The following STK32C variants were observed in gnomAD, a reference collection of about 807,000 sequenced individuals.
The protein encoded by STK32C is serine/threonine kinase 32C, also known as serine/threonine-protein kinase 32C.
STK32C carries 31 observed loss-of-function variants against 56.5 expected under a neutral mutation model. The ratio of observed to expected loss-of-function variants is 0.55; its 90% CI spans 0.41 to 0.74. STK32C has a LOEUF of 0.74. Among genes scored for constraint, STK32C ranks in the 30% least tolerant of loss-of-function variants. The pLI is 0.00. For missense variants in STK32C, 544 were observed against 676.9 expected, an observed-to-expected ratio of 0.80 and a Z score of 2.18; for synonymous variants, 309 against 289.4, an observed-to-expected ratio of 1.07 and a Z score of -0.69.
intron 1 of STK32C, among the ~76,000 whole-genome samples, chr10:132,271,869 G>A (rs2064836632): frequency 6.6e-6 from 1 of 152,232 alleles, no homozygotes; most frequent in East Asian, 1.9e-4. Context: ...CCACGGCCCT[G>A]CCCCTTCCCA....
intron 1 of STK32C, among the ~76,000 whole-genome samples, chr10:132,254,046 A>G (rs1461128933): frequency 6.6e-6 from 1 of 152,228 alleles, no homozygotes; most frequent in Non-Finnish European, 1.5e-5. Context: ...GCGGTGGCTC[A>G]TGCCTGTAAT....
upstream of STK32C, among the ~76,000 whole-genome samples, chr10:132,311,868 C>G (rs1590485744): frequency 6.6e-6 from 1 of 152,330 alleles, no homozygotes; most frequent in African/African-American, 2.4e-5. This position sits in a 1 kb window ranked among gnomAD's most constrained non-coding sequence, Gnocchi z 4.4. Context: ...AGGTCACATT[C>G]ACAGGGCCGG....
At chr10:132,315,916 A>G (rs1235233482) in intron 1 of STK32C, among the ~76,000 whole-genome samples, 1 of 152,260 alleles carries the variant, frequency 6.6e-6, no homozygotes, top group African/African-American at 2.4e-5. Context: ...AAGAGAGTCC[A>G]ACATTTGGAA....
At chr10:132,230,677 G>GGT (rs1454890210) in intron 2 of STK32C, among the ~76,000 whole-genome samples, 2,424 of 120,826 alleles carry the variant, frequency 0.02, 245 homozygotes, top group Non-Finnish European at 0.025. Context: ...GGGGGAAGCT[G>GGT]GCGGGGGGGG....
intron 1 of STK32C, among the ~76,000 whole-genome samples, chr10:132,276,669 C>G (rs545702937): frequency 2.7e-4 from 41 of 152,214 alleles, no homozygotes; most frequent in Non-Finnish European, 4.9e-4. Context: ...CACCTATAGT[C>G]CCAGCTACTC....
chr10:132,269,316 T>A (rs1027057309), intron 1 of STK32C, among the ~76,000 whole-genome samples: 2 of 152,220 alleles, frequency 1.3e-5, no homozygotes. Context: ...GCTGATTACG[T>A]GCCTGGCCTC....
At chr10:132,270,729 C>A (rs917534496) in intron 1 of STK32C, among the ~76,000 whole-genome samples, 3 of 152,188 alleles carry the variant, frequency 2.0e-5, no homozygotes, top group South Asian at 2.1e-4. Context: ...CAGCAGAGAA[C>A]CCACAGGCAG....
chr10:132,310,568 CAG>C (rs983701183), upstream of STK32C, among the ~76,000 whole-genome samples: 1 of 152,142 alleles, frequency 6.6e-6, no homozygotes, highest in African/African-American at 2.4e-5. This position sits in a 1 kb window ranked among gnomAD's most constrained non-coding sequence, Gnocchi z 4.6. Flanking sequence ...GAGGCTGGGA[CAG>C]AGTCAGCTGT....
intron 1 of STK32C, among the ~76,000 whole-genome samples, chr10:132,287,353 T>C (rs1362517832): frequency 6.6e-6 from 1 of 151,514 alleles, no homozygotes; most frequent in Admixed American, 6.6e-5. Flanking sequence ...TAGCTGAGCG[T>C]GGTGGTGTGA....
chr10:132,259,747 T>C (rs2064243055), intron 1 of STK32C, among the ~76,000 whole-genome samples: 1 of 152,224 alleles, frequency 6.6e-6, no homozygotes, highest in African/African-American at 2.4e-5. Context: ...CAGGTAGTTC[T>C]AGCAATGCGA....
At chr10:132,306,001 A>G (rs2066048058) in intron 1 of STK32C, among the ~76,000 whole-genome samples, 1 of 152,220 alleles carries the variant, frequency 6.6e-6, no homozygotes, top group Admixed American at 6.5e-5. Context: ...ATGTGAAAGA[A>G]TTCCCAAGTC....
At chr10:132,270,937 T>A (rs1024967674) in intron 1 of STK32C, among the ~76,000 whole-genome samples, 2 of 116,638 alleles carry the variant, frequency 1.7e-5, no homozygotes, top group Non-Finnish European at 3.3e-5. Flanking sequence ...CAACAGCCAA[T>A]AAGGGTAGGG....
chr10:132,220,302 G>C (rs984872822), intron 10 of STK32C, among the ~76,000 whole-genome samples: 1 of 152,238 alleles, frequency 6.6e-6, no homozygotes, highest in African/African-American at 2.4e-5. Flanking sequence ...GCCTCTACCG[G>C]AGGGTAGAGG....
intron 1 of STK32C, among the ~76,000 whole-genome samples, chr10:132,316,025 T>G (rs1031872292): frequency 1.3e-5 from 2 of 152,180 alleles, no homozygotes; most frequent in African/African-American, 4.8e-5. Context: ...ATGTATGAGA[T>G]GCAGCTAGTT....
In STK32C at chr10:132,307,312, C is replaced by A; in HGVS notation, c.262+260G>T. On this transcript the variant is annotated intron_variant, in intron 1 of 11. Coordinates refer to ENST00000298630, the MANE Select transcript of STK32C (RefSeq NM_173575.4). The surrounding 1 kb of genome is among the most constrained non-coding windows in gnomAD (Gnocchi z 4.4). The stretch of plus-strand genomic sequence containing the variant: ...GGCGCGCGCAAGCCCGGAGACGCCA[C>A]AGCCGCGGGGGACCCTCGCCCCGAG... The A allele has an allele frequency of 3.1e-6, 1 of 324,066 alleles. No homozygotes were observed. Among genetic ancestry groups the A allele is most frequent in the Non-Finnish European group, 5.6e-6 (1 of 179,348 alleles). 20.1% of individuals were successfully genotyped at this position (324,066 alleles called of 1,614,324 possible).
intron 2 of STK32C, among the ~76,000 whole-genome samples, chr10:132,245,456 C>T (rs76394124): frequency 6.1e-4 from 93 of 152,348 alleles, no homozygotes; most frequent in African/African-American, 2.1e-3. Flanking sequence ...CCGTCCAGGC[C>T]GGCAAACAGG....
At chr10:132,272,446 G>A (rs761706041) in intron 1 of STK32C, among the ~76,000 whole-genome samples, 1 of 152,148 alleles carries the variant, frequency 6.6e-6, no homozygotes, top group African/African-American at 2.4e-5. Flanking sequence ...CAAATCTAAC[G>A]TGCCCTCAAC....
intron 2 of STK32C, among the ~76,000 whole-genome samples, chr10:132,236,140 C>T (rs773451283): frequency 2.6e-5 from 4 of 151,282 alleles, no homozygotes; most frequent in Admixed American, 6.6e-5. Flanking sequence ...GCAATGCTTC[C>T]GTGGCCCCAA....
At position 132,207,621 on chromosome 10, in the gene STK32C, C is replaced by T. The variant is rs1450484160; in HGVS notation, c.*389G>A. On this transcript the variant is annotated 3_prime_UTR_variant, in exon 12 of 12. Transcript: ENST00000298630. ...TGCCCTTGACCTCCAAGACCTGAGC[C>T]GAGCCTGGGGCACCCGCGGCCTGTG... 4.3e-5 allele frequency: 8 copies of T among 186,184 alleles called. No homozygotes were observed. In the South Asian group the frequency reaches 5.8e-4, roughly 14 times the overall value. 11.5% of individuals were successfully genotyped at this position (186,184 alleles called of 1,614,324 possible).
Sources: allele counts gnomAD v4.1 joint callset (sites outside exome capture counted in the v4.1 genomes callset), GRCh38; gene constraint gnomAD v4.1.1; non-coding constraint Gnocchi (gnomAD v3.1); transcripts MANE v1.5; gene names NCBI Gene and HGNC (gene_info 2026-07-23, HGNC 2026-07-21).